MRAP2: variants seen among roughly 807,000 people sequenced by gnomAD.
The protein encoded by MRAP2 is melanocortin 2 receptor accessory protein 2, also known as melanocortin-2 receptor accessory protein 2.
Under a neutral mutation model 17.4 loss-of-function variants are expected in MRAP2, and 20 were observed. The ratio of observed to expected loss-of-function variants is 1.15; its 90% CI spans 0.81 to 1.67. The LOEUF is 1.67. Among genes scored for constraint, MRAP2 ranks in the 40% most tolerant of loss-of-function variants. The probability of loss-of-function intolerance (pLI) is 0.00; values close to 1 mark genes in which losing one functional copy is unlikely to be tolerated. For synonymous variants in MRAP2, 96 were observed against 88.4 expected, an observed-to-expected ratio of 1.09 and a Z score of -0.48; for missense variants, 238 against 240.0, an observed-to-expected ratio of 0.99 and a Z score of 0.05.
At chr6:84,073,478 T>G (rs1419257778) in intron 3 of MRAP2, among the ~76,000 whole-genome samples, 1 of 152,110 alleles carries the variant, frequency 6.6e-6, no homozygotes, top group Non-Finnish European at 1.5e-5. Context: ...CTTCAGAGGG[T>G]CTGTGGGTCC....
chr6:84,079,567 A>G (rs1300713835), intron 3 of MRAP2, among the ~76,000 whole-genome samples: 1 of 152,216 alleles, frequency 6.6e-6, no homozygotes, highest in Non-Finnish European at 1.5e-5. Flanking sequence ...CCCATTGATG[A>G]TAAGAATGGT....
At chr6:84,108,439 GT>G in the MRAP2 span, among the ~76,000 whole-genome samples, 18 of 146,790 alleles carry the variant, frequency 1.2e-4, no homozygotes, top group South Asian at 4.3e-4. Context: ...GTGATGTTGA[GT>G]TTTTTTTTTT....
chr6:84,053,235 A>G (rs532186579), intron 1 of MRAP2, among the ~76,000 whole-genome samples: 37 of 152,048 alleles, frequency 2.4e-4, no homozygotes, highest in Non-Finnish European at 4.7e-4. Context: ...TCTATTCCAG[A>G]TGAAGTTTAG....
At chr6:84,041,862 G>C (rs1255748443) in intron 1 of MRAP2, among the ~76,000 whole-genome samples, 2 of 152,174 alleles carry the variant, frequency 1.3e-5, no homozygotes, top group Middle Eastern at 3.2e-3. Flanking sequence ...TGAGACTTTG[G>C]ACTTGGACTT....
chr6:84,129,441 G>A, the MRAP2 span, among the ~76,000 whole-genome samples: 1 of 152,156 alleles, frequency 6.6e-6, no homozygotes, highest in African/African-American at 2.4e-5. Flanking sequence ...AATGACCAGC[G>A]ATGAGCTTTT....
At chr6:84,085,079 A>C (rs1383493300) in intron 3 of MRAP2, among the ~76,000 whole-genome samples, 1 of 151,338 alleles carries the variant, frequency 6.6e-6, no homozygotes, top group Admixed American at 6.6e-5. Flanking sequence ...TTTTTGAGAC[A>C]GAGTCTCACT....
intron 1 of MRAP2, among the ~76,000 whole-genome samples, chr6:84,046,939 T>C (rs2099489203): frequency 6.6e-6 from 1 of 151,902 alleles, no homozygotes; most frequent in African/African-American, 2.4e-5. Context: ...TCCTCACAGC[T>C]TAGAGGGAGT....
At chr6:84,109,814 G>A in the MRAP2 span, among the ~76,000 whole-genome samples, 4 of 146,500 alleles carry the variant, frequency 2.7e-5, no homozygotes, top group African/African-American at 1.0e-4. Context: ...ATGTGTTCTC[G>A]TTCTTCAACT....
At chr6:84,142,094 AGTTT>A in the MRAP2 span, among the ~76,000 whole-genome samples, 3 of 152,122 alleles carry the variant, frequency 2.0e-5, no homozygotes, top group African/African-American at 7.2e-5. Flanking sequence ...GAGGGAGAAG[AGTTT>A]GTTTTTGTTT....
intron 3 of MRAP2, among the ~76,000 whole-genome samples, chr6:84,075,194 GC>G (rs1436403280): frequency 6.6e-6 from 1 of 152,234 alleles, no homozygotes; most frequent in East Asian, 1.9e-4. Context: ...CCATTCTTCA[GC>G]CGGAAGCAGC....
chr6:84,077,247 C>G (rs1435832886), intron 3 of MRAP2, among the ~76,000 whole-genome samples: 1 of 152,178 alleles, frequency 6.6e-6, no homozygotes, highest in Non-Finnish European at 1.5e-5. Flanking sequence ...ATTGGGAGAT[C>G]AGAGTGTCTC....
the MRAP2 span, among the ~76,000 whole-genome samples, chr6:84,111,661 A>T: frequency 6.6e-6 from 1 of 152,154 alleles, no homozygotes. Context: ...GTGGTGAGAG[A>T]GGGCATCCCT....
chr6:84,136,898 G>A, the MRAP2 span, among the ~76,000 whole-genome samples: 3 of 152,104 alleles, frequency 2.0e-5, no homozygotes, highest in Non-Finnish European at 4.4e-5. Flanking sequence ...AATGGCCATC[G>A]GCCACACACC....
chr6:84,061,143 G>T (rs889416941), intron 2 of MRAP2, among the ~76,000 whole-genome samples: 1 of 152,140 alleles, frequency 6.6e-6, no homozygotes, highest in African/African-American at 2.4e-5. Flanking sequence ...GTATATGTAG[G>T]ATGAAAGTAT....
intron 1 of MRAP2, among the ~76,000 whole-genome samples, chr6:84,043,572 C>T (rs1226400926): frequency 6.6e-6 from 1 of 151,364 alleles, no homozygotes; most frequent in Non-Finnish European, 1.5e-5. Context: ...ATCATGAGCC[C>T]TCCCTTTTTT....
the MRAP2 span, among the ~76,000 whole-genome samples, chr6:84,117,182 C>T: frequency 6.6e-6 from 1 of 152,096 alleles, no homozygotes; most frequent in Non-Finnish European, 1.5e-5. Flanking sequence ...ACCACCACAC[C>T]TAGCTAATTT....
At chr6:84,137,643 TC>T in the MRAP2 span, among the ~76,000 whole-genome samples, 1 of 152,126 alleles carries the variant, frequency 6.6e-6, no homozygotes, top group African/African-American at 2.4e-5. Flanking sequence ...TCCTTAGTTA[TC>T]CATAGGGATC....
chr6:84,036,543 G>A (rs1193176082), intron 1 of MRAP2, among the ~76,000 whole-genome samples: 1 of 152,140 alleles, frequency 6.6e-6, no homozygotes, highest in Non-Finnish European at 1.5e-5. Context: ...GGCTTCAGGA[G>A]TGAAGCTGCA....
intron 1 of MRAP2, among the ~76,000 whole-genome samples, chr6:84,051,552 C>A (rs1387429740): frequency 1.3e-5 from 2 of 152,006 alleles, no homozygotes; most frequent in Non-Finnish European, 2.9e-5. Flanking sequence ...GCAAGACTCG[C>A]CTCAAAATAA....
Sources: allele counts gnomAD v4.1 joint callset (sites outside exome capture counted in the v4.1 genomes callset), GRCh38; gene constraint gnomAD v4.1.1; transcripts MANE v1.5; gene names NCBI Gene and HGNC (gene_info 2026-07-23, HGNC 2026-07-21).